CACNA2D1: variants seen among roughly 807,000 people sequenced by gnomAD.
The protein encoded by CACNA2D1 is voltage-dependent calcium channel subunit alpha-2/delta-1.
A neutral mutation model predicts 171.5 loss-of-function variants in CACNA2D1; 53 were observed. The observed-to-expected ratio is 0.31, with a 90% CI of 0.25 to 0.39. The LOEUF (loss-of-function observed/expected upper bound fraction) is 0.39, where lower values mean the gene tolerates loss of function less well. CACNA2D1 is among the 10% of genes least tolerant of loss of function. CACNA2D1 has a pLI of 1.00. For synonymous variants in CACNA2D1, 442 were observed against 443.1 expected (o/e 1.00, Z 0.03); for missense variants, 903 against 1,299.8 (o/e 0.69, Z 4.69).
rs1806500542 is a variant in CACNA2D1, at chr7:82,060,167, T to TTATATATATATAATATATATATA, written c.879+260_879+261insTATATATATATTATATATATATA. Among the ~76,000 whole-genome samples, 2 of 12,620 alleles carry TTATATATATATAATATATATATA rather than the reference T, an allele frequency of 1.6e-4. 1 individual carries two copies. The highest frequency in any genetic ancestry group is 4.1e-4 in the Non-Finnish European group (2 of 4,826). 8.3% of individuals were successfully genotyped at this position (12,620 alleles called of 152,430 possible). A position where few individuals can be genotyped will look rare whatever the true frequency, so the allele number is the denominator to read the frequency against. On this transcript the variant is annotated intron_variant, in intron 10 of 38. Transcript: ENST00000356860. ...ATATATATGTATTATATATATATAATATATATATATAATATATATATATTA... is the reference window on the plus strand; with the variant it reads ...ATATATATGTATTATATATATATAATTATATATATATAATATATATATAATATATATATAATATATATATATTA...
At chr7:82,111,291 G>GGT (rs200561536) in intron 6 of CACNA2D1, among the ~76,000 whole-genome samples, 6 of 59,664 alleles carry the variant, frequency 1.0e-4, no homozygotes, top group Admixed American at 9.1e-4. Flanking sequence ...TATATGTCTG[G>GGT]GTATATATAT....
intron 3 of CACNA2D1, among the ~76,000 whole-genome samples, chr7:82,223,765 G>A (rs1014631430): frequency 3.3e-5 from 5 of 152,052 alleles, no homozygotes; most frequent in African/African-American, 1.2e-4. Flanking sequence ...TTTCACACTT[G>A]TCACCCCAGT....
At chr7:82,090,982 T>A (rs772163850) in intron 6 of CACNA2D1, among the ~76,000 whole-genome samples, 5 of 152,158 alleles carry the variant, frequency 3.3e-5, no homozygotes, top group Non-Finnish European at 5.9e-5. Context: ...CATTATCAGA[T>A]AAGCTGAGCC....
At chr7:82,186,255 A>AAAGG (rs202046885) in intron 3 of CACNA2D1, among the ~76,000 whole-genome samples, 13,417 of 111,328 alleles carry the variant, frequency 0.12, 1,241 homozygotes, top group African/African-American at 0.25. Context: ...AGGAAGGAAG[A>AAAGG]AAGGAAGGAA....
chr7:81,960,845 T>C (rs999184134), intron 36 of CACNA2D1, among the ~76,000 whole-genome samples: 1 of 152,062 alleles, frequency 6.6e-6, no homozygotes, highest in Non-Finnish European at 1.5e-5. Flanking sequence ...TAGCCTGATA[T>C]GCTAATCTCC....
Position 82,137,614 on chromosome 7 carries a change from G to A in CACNA2D1, c.355-938C>T, listed in dbSNP as rs1364825421. 4.0e-5 allele frequency among the ~76,000 whole-genome samples: 6 copies of A among 151,042 alleles called. No homozygotes were observed. In the East Asian group the frequency reaches 1.2e-3, roughly 30 times the overall value. On this transcript the variant is annotated intron_variant, in intron 4 of 38. Coordinates refer to ENST00000356860, the MANE Select transcript of CACNA2D1 (RefSeq NM_000722.4). Reference sequence around the variant, plus strand: ...TAGGCTGACGCGGTGGCTCACGCCTGTAATCCCAGCACTTCGGGAGGCCGA... The same window carrying A: ...TAGGCTGACGCGGTGGCTCACGCCTATAATCCCAGCACTTCGGGAGGCCGA...
intron 1 of CACNA2D1, among the ~76,000 whole-genome samples, chr7:82,379,437 A>G (rs1432276653): frequency 1.3e-5 from 2 of 152,362 alleles, no homozygotes; most frequent in South Asian, 2.1e-4. Context: ...TTTAACAAAT[A>G]CAAACATATT....
chr7:81,955,980 A>AT (rs1164601123), intron 38 of CACNA2D1, among the ~76,000 whole-genome samples: 661 of 34,506 alleles, frequency 0.019, 10 homozygotes, highest in Non-Finnish European at 0.021. Flanking sequence ...ATATATATAT[A>AT]TTTTTTTTTT....
Position 82,443,460 on chromosome 7 carries a change from C to T in CACNA2D1, c.-1G>A. The T allele has an allele frequency of 1.2e-6, 2 of 1,607,370 alleles. No individual in the cohort carries two copies. Among genetic ancestry groups the T allele is most frequent in the East Asian group, 2.3e-5 (1 of 44,390 alleles). On this transcript the variant is annotated 5_prime_UTR_variant, in exon 1 of 39. Transcript: ENST00000356860. ...AGGCCAGCAGGCAGCCAGCAGCCATCTTCGCGATCGAAGATCAATGCCCCC... is the reference window on the plus strand; with the variant it reads ...AGGCCAGCAGGCAGCCAGCAGCCATTTTCGCGATCGAAGATCAATGCCCCC...
At chr7:82,204,875 T>C (rs1160556865) in intron 3 of CACNA2D1, among the ~76,000 whole-genome samples, 1 of 152,090 alleles carries the variant, frequency 6.6e-6, no homozygotes, top group Non-Finnish European at 1.5e-5. Context: ...AAGGCAGACA[T>C]CCAGTCCAGC....
chr7:81,969,945 C>T lies in CACNA2D1; in HGVS notation c.2244G>A (p.Glu748=), dbSNP rs754217639. The T allele has an allele frequency of 8.1e-6, 13 of 1,608,692 alleles. No individual in the cohort carries two copies. In the East Asian group the frequency reaches 2.7e-4, roughly 33 times the overall value. ...CTAGGCTCCTTTTATAGAAGCTGTC[C>T]TCATATGTCTCTGGGTTTTCTTGCC... ...ENWQENPETY[E]DSFYKRSLDN... is the part of the protein sequence containing the mutation. Residue 748 remains glutamate, a synonymous_variant, in exon 28 of 39, where the codon GAG becomes GAA. Coordinates refer to ENST00000356860, the MANE Select transcript of CACNA2D1 (RefSeq NM_000722.4).
chr7:82,336,824 T>C lies in CACNA2D1; in HGVS notation c.178-1573A>G, dbSNP rs150754331. On this transcript the variant is annotated intron_variant, in intron 2 of 38. Transcript: ENST00000356860. The stretch of plus-strand genomic sequence containing the variant: ...ATGTAGTTCTTTGCAGTAAAACCAA[T>C]AGAGCTAATTGGTGTGAAATGTAGT... 3.1e-3 allele frequency among the ~76,000 whole-genome samples: 465 copies of C among 152,288 alleles called. 2 individuals are homozygous for C. Among genetic ancestry groups the C allele is most frequent in the South Asian group, 5.6e-3 (27 of 4,830 alleles).
chr7:82,280,748 C>T (rs1337040390), intron 3 of CACNA2D1, among the ~76,000 whole-genome samples: 3 of 152,076 alleles, frequency 2.0e-5, no homozygotes, highest in African/African-American at 7.2e-5. Flanking sequence ...CTGGTATGAT[C>T]ATAGCTCACT....
intron 1 of CACNA2D1, among the ~76,000 whole-genome samples, chr7:82,407,202 A>G (rs547990332): frequency 5.9e-5 from 9 of 152,202 alleles, no homozygotes; most frequent in Admixed American, 6.5e-5. Flanking sequence ...GAGCACACAT[A>G]TAAGGTGTGT....
At chr7:82,115,979 C>T (rs1265129265) in intron 6 of CACNA2D1, among the ~76,000 whole-genome samples, 1 of 152,094 alleles carries the variant, frequency 6.6e-6, no homozygotes, top group Non-Finnish European at 1.5e-5. Context: ...AAGGATTTGC[C>T]AGAGGAAATA....
At chr7:82,370,583 A>ATGG in intron 1 of CACNA2D1, among the ~76,000 whole-genome samples, 1 of 152,104 alleles carries the variant, frequency 6.6e-6, no homozygotes, top group South Asian at 2.1e-4. Context: ...GGATGGATAG[A>ATGG]AATAGAGATA....
chr7:82,435,473 A>G (rs974747187), intron 1 of CACNA2D1, among the ~76,000 whole-genome samples: 1 of 152,160 alleles, frequency 6.6e-6, no homozygotes. Context: ...AAATTTAATG[A>G]CACATGATCT....
chr7:82,103,246 G>A (rs1812902251), intron 6 of CACNA2D1, among the ~76,000 whole-genome samples: 1 of 152,132 alleles, frequency 6.6e-6, no homozygotes, highest in Non-Finnish European at 1.5e-5. Flanking sequence ...GGTGGAGGTT[G>A]CAGTGAGCTA....
intron 6 of CACNA2D1, among the ~76,000 whole-genome samples, chr7:82,093,352 T>C (rs1811461006): frequency 6.6e-6 from 1 of 152,208 alleles, no homozygotes; most frequent in African/African-American, 2.4e-5. Context: ...ATCATTATTT[T>C]CTCTGTCTCC....
Sources: allele counts gnomAD v4.1 joint callset (sites outside exome capture counted in the v4.1 genomes callset), GRCh38; gene constraint gnomAD v4.1.1; transcripts MANE v1.5; gene names NCBI Gene and HGNC (gene_info 2026-07-23, HGNC 2026-07-21).